The following EPHA5 variants were observed in gnomAD, a reference collection of about 807,000 sequenced individuals.
EPHA5 encodes ephrin type-A receptor 5.
Under a neutral mutation model 105.0 loss-of-function variants are expected in EPHA5, and 60 were observed. The observed-to-expected ratio is 0.57, with a 90% CI of 0.46 to 0.71. The LOEUF (loss-of-function observed/expected upper bound fraction) is 0.71, where lower values mean the gene tolerates loss of function less well. Ranked by LOEUF, EPHA5 falls within the 30% of genes least tolerant of loss-of-function variation. The probability of loss-of-function intolerance (pLI) is 0.00; values close to 1 mark genes in which losing one functional copy is unlikely to be tolerated. For synonymous variants in EPHA5, 513 were observed against 449.1 expected (o/e 1.14, Z -1.80); for missense variants, 1,218 against 1,274.7 (o/e 0.96, Z 0.68).
At chr4:65,480,868 T>A (rs1578214224) in intron 5 of EPHA5, among the ~76,000 whole-genome samples, 1 of 149,520 alleles carries the variant, frequency 6.7e-6, no homozygotes, top group African/African-American at 2.5e-5. Context: ...AATACAAACA[T>A]TAATAATAAT....
rs865862638 is a variant in EPHA5 at position 65,366,045 on chromosome 4, C to A, written c.1874G>T (p.Gly625Val). ...ATGTGGATCAATGTAAGTTCTTACTCCTGGCAGTTTAACTGTAAATATAAA... is the reference window on the plus strand; with the variant it reads ...ATGTGGATCAATGTAAGTTCTTACTACTGGCAGTTTAACTGTAAATATAAA... The part of the protein sequence containing the change: ...HFHNGHIKLP[G>V]VRTYIDPHTY... The change falls in exon 10 of 17, where the codon GGA (glycine) becomes GTA (valine). Residue 625 changes from glycine to valine, a missense_variant. By Grantham distance (109) the Gly-to-Val change is moderately radical (BLOSUM62 -3). Coordinates refer to ENST00000613740, the MANE Select transcript of EPHA5 (RefSeq NM_001281766.3). 1 of 1,595,286 alleles carries A rather than the reference C, an allele frequency of 6.3e-7. No homozygotes were observed. Among genetic ancestry groups the A allele is most frequent in the Non-Finnish European group, 8.6e-7 (1 of 1,166,762 alleles).
intron 5 of EPHA5, among the ~76,000 whole-genome samples, chr4:65,456,721 T>TACACACACACACACACAC (rs71604535): frequency 8.1e-6 from 1 of 124,044 alleles, no homozygotes; most frequent in Admixed American, 8.3e-5. Flanking sequence ...AAAATAAACA[T>TACACACACACACACACAC]ATACACACAC....
intron 8 of EPHA5, among the ~76,000 whole-genome samples, chr4:65,379,384 G>C (rs1279929369): frequency 6.6e-6 from 1 of 151,352 alleles, no homozygotes; most frequent in Non-Finnish European, 1.5e-5. Flanking sequence ...AATAAAATTT[G>C]ATTTAAAAAC....
intron 15 of EPHA5, among the ~76,000 whole-genome samples, chr4:65,334,298 T>C (rs1392750762): frequency 1.3e-5 from 2 of 152,006 alleles, no homozygotes; most frequent in Admixed American, 6.6e-5. Flanking sequence ...GAATATGTTA[T>C]AGTGATTTTT....
chr4:65,601,149 T>C (rs1252860647), intron 3 of EPHA5, among the ~76,000 whole-genome samples: 1 of 152,176 alleles, frequency 6.6e-6, no homozygotes, highest in African/African-American at 2.4e-5. Context: ...AGTTTACAAA[T>C]GTTTTGCTAT....
chr4:65,342,988 A>G (rs1003063600), intron 14 of EPHA5, among the ~76,000 whole-genome samples: 1 of 152,070 alleles, frequency 6.6e-6, no homozygotes, highest in South Asian at 2.1e-4. Flanking sequence ...AAAACCAAAA[A>G]AGGCAAAAAT....
At chr4:65,475,392 C>G (rs1265217916) in intron 5 of EPHA5, among the ~76,000 whole-genome samples, 2 of 152,096 alleles carry the variant, frequency 1.3e-5, no homozygotes, top group African/African-American at 4.8e-5. Flanking sequence ...CTTCTTTCCT[C>G]TAAGTGAACT....
At position 65,366,020 on chromosome 4, in the gene EPHA5, A is replaced by G. The variant is rs1717880598; in HGVS notation, c.1899T>C (p.His633=). 1 of 1,600,958 alleles carries G rather than the reference A, an allele frequency of 6.2e-7. No individual in the cohort carries two copies. Among genetic ancestry groups the G allele is most frequent in the South Asian group, 1.1e-5 (1 of 89,614 alleles). The change falls in exon 10 of 17, where the codon CAT becomes CAC. Residue 633 remains histidine, a synonymous_variant. Transcript: ENST00000613740. The part of the protein sequence containing the change: ...LPGVRTYIDP[H]TYEDPNQAVH... The stretch of plus-strand genomic sequence containing the variant: ...CAGCTTGATTGGGATCCTCATAGGT[A>G]TGTGGATCAATGTAAGTTCTTACTC...
intron 5 of EPHA5, among the ~76,000 whole-genome samples, chr4:65,441,346 G>A (rs1467239903): frequency 2.0e-5 from 3 of 151,846 alleles, no homozygotes; most frequent in Admixed American, 2.0e-4. Context: ...ACTACTGAGG[G>A]TGTGAGAAAA....
intron 3 of EPHA5, among the ~76,000 whole-genome samples, chr4:65,540,367 C>A (rs749506026): frequency 2.0e-5 from 3 of 151,368 alleles, no homozygotes; most frequent in Non-Finnish European, 3.0e-5. Flanking sequence ...CTGTCACTGG[C>A]AACACTATAG....
chr4:65,365,795 TGATCAGTTACATATCACTTTGAATGCAA>T lies in EPHA5; in HGVS notation c.1987+109_1987+136del, dbSNP rs375915313. On this transcript the variant is annotated intron_variant, in intron 10 of 16. Transcript: ENST00000613740. ...TTACACTGAAGGTTGTATTAAAATG[TGATCAGTTACATATCACTTTGAATGCAA>T]GCCAATTAGAAAAGATTAAAAACAT... The T allele has an allele frequency of 7.9e-3, 6,342 of 798,302 alleles. 17 individuals are homozygous for T. The highest frequency in any genetic ancestry group is 0.012 in the Middle Eastern group (41 of 3,332). 49.5% of individuals were successfully genotyped at this position (798,302 alleles called of 1,614,324 possible).
At position 65,573,982 on chromosome 4, in the gene EPHA5, T is replaced by C. The variant is rs986973703; in HGVS notation, c.910+27659A>G. ...AAGCAGCTGGCTAGTGGCTTATTAC[T>C]TGTGACTGGACCTCTGGTCCTCAAT... On this transcript the variant is annotated intron_variant, in intron 3 of 16. Coordinates refer to ENST00000613740, the MANE Select transcript of EPHA5 (RefSeq NM_001281766.3). The C allele has an allele frequency of 2.5e-6, 4 of 1,593,190 alleles. No individual in the cohort carries two copies. The South Asian group carries it at 3.3e-5, about 13-fold the overall frequency.
intron 6 of EPHA5, among the ~76,000 whole-genome samples, chr4:65,418,677 C>A (rs947886249): frequency 5.7e-4 from 86 of 151,878 alleles, no homozygotes; most frequent in African/African-American, 2.0e-3. Context: ...AATCAATATA[C>A]GAACATTGTA....
At chr4:65,502,335 A>G (rs1732575037) in intron 3 of EPHA5, among the ~76,000 whole-genome samples, 3 of 151,816 alleles carry the variant, frequency 2.0e-5, no homozygotes, top group South Asian at 2.1e-4. Context: ...GAATGAAAAA[A>G]AATTGCAAAC....
intron 14 of EPHA5, among the ~76,000 whole-genome samples, chr4:65,341,429 A>G (rs1405014752): frequency 1.3e-5 from 2 of 151,948 alleles, no homozygotes. Context: ...ACTTCAACAC[A>G]CACCAAATAA....
chr4:65,668,583 A>G (rs1750165077), intron 1 of EPHA5, among the ~76,000 whole-genome samples: 1 of 152,126 alleles, frequency 6.6e-6, no homozygotes, highest in Non-Finnish European at 1.5e-5. Context: ...ACCCAAAGGC[A>G]GAGGTCTCAG....
At chr4:65,634,449 C>A (rs1176948563) in intron 2 of EPHA5, among the ~76,000 whole-genome samples, 2 of 151,926 alleles carry the variant, frequency 1.3e-5, no homozygotes, top group Non-Finnish European at 2.9e-5. Context: ...TTTTAAAGAA[C>A]CTTATTCATA....
chr4:65,653,631 CTT>C (rs1345021927), intron 1 of EPHA5, among the ~76,000 whole-genome samples: 1 of 151,964 alleles, frequency 6.6e-6, no homozygotes, highest in Non-Finnish European at 1.5e-5. Context: ...GTATTAATCA[CTT>C]TTGTCTAGTT....
At chr4:65,455,287 A>T (rs1437303562) in intron 5 of EPHA5, among the ~76,000 whole-genome samples, 1 of 152,114 alleles carries the variant, frequency 6.6e-6, no homozygotes, top group Non-Finnish European at 1.5e-5. Context: ...AAAACTAAAA[A>T]ATGAAAATTA....
Sources: gnomAD v4.1 joint callset for allele counts (sites outside exome capture counted in the v4.1 genomes callset) on GRCh38, gnomAD v4.1.1 for gene constraint, MANE v1.5 for transcripts, NCBI Gene and HGNC (gene_info 2026-07-23, HGNC 2026-07-21) for gene names.